ATP8A1: variants seen among roughly 807,000 people sequenced by gnomAD.
ATP8A1 encodes the protein ATPase phospholipid transporting 8A1, also known as phospholipid-transporting ATPase IA.
Under a neutral mutation model 177.7 loss-of-function variants are expected in ATP8A1, and 90 were observed. The ratio of observed to expected loss-of-function variants is 0.51; its 90% CI spans 0.43 to 0.60. ATP8A1 has a LOEUF of 0.60. Among genes scored for constraint, ATP8A1 ranks in the 20% least tolerant of loss-of-function variants. The probability of loss-of-function intolerance (pLI) is 0.00; values close to 1 mark genes in which losing one functional copy is unlikely to be tolerated. For missense variants in ATP8A1, 1,072 were observed against 1,392.8 expected, an observed-to-expected ratio of 0.77 and a Z score of 3.67; for synonymous variants, 493 against 485.9, an observed-to-expected ratio of 1.01 and a Z score of -0.19.
In ATP8A1 at chr4:42,651,419, G is replaced by A. The variant is rs186131209; in HGVS notation, c.49+5406C>T. On this transcript the variant is annotated intron_variant, in intron 1 of 36. Transcript: ENST00000381668. ...AAAGTATGGAACTCCCTAGAGACTT[G>A]TTGAATGGCTTTGACCCAAAATGCT... Among the ~76,000 whole-genome samples, 282 of 152,322 alleles carry A rather than the reference G, an allele frequency of 1.9e-3. 1 individual carries two copies. Among genetic ancestry groups the A allele is most frequent in the Admixed American group, 3.1e-3 (48 of 15,304 alleles).
At chr4:42,459,579 G>T (rs575122239) in intron 27 of ATP8A1, 94 of 275,048 alleles carry the variant, frequency 3.4e-4, no homozygotes, top group African/African-American at 2.0e-3. Flanking sequence ...TATATAGAAG[G>T]GATTGAGAAT....
At chr4:42,431,317 AC>A (rs1282545158) in intron 33 of ATP8A1, among the ~76,000 whole-genome samples, 3 of 152,242 alleles carry the variant, frequency 2.0e-5, no homozygotes, top group African/African-American at 7.2e-5. Context: ...AGACTAGATT[AC>A]AATCAAGAGG....
chr4:42,523,565 G>A, intron 21 of ATP8A1, among the ~76,000 whole-genome samples: 1 of 152,150 alleles, frequency 6.6e-6, no homozygotes, highest in East Asian at 1.9e-4. Context: ...AACTTGGCTG[G>A]AAAACTTACT....
At chr4:42,577,127 T>C (rs1191412913) in intron 12 of ATP8A1, among the ~76,000 whole-genome samples, 1 of 152,206 alleles carries the variant, frequency 6.6e-6, no homozygotes, top group East Asian at 1.9e-4. Context: ...GCTGGGTTCA[T>C]CCAATACTAA....
At chr4:42,526,993 G>A (rs1419871311) in intron 20 of ATP8A1, among the ~76,000 whole-genome samples, 1 of 152,176 alleles carries the variant, frequency 6.6e-6, no homozygotes. Flanking sequence ...CAGACAATGA[G>A]TTTAGTGACT....
At chr4:42,621,989 C>A (rs1459281330) in intron 4 of ATP8A1, among the ~76,000 whole-genome samples, 1 of 152,086 alleles carries the variant, frequency 6.6e-6, no homozygotes, top group Non-Finnish European at 1.5e-5. Flanking sequence ...GAAAGGAGTC[C>A]CTATTCGATA....
At chr4:42,578,415 T>C (rs1448670861) in intron 11 of ATP8A1, 28 bp from the exon 12 acceptor site, 1 of 1,603,510 alleles carries the variant, frequency 6.2e-7, no homozygotes, top group Non-Finnish European at 8.5e-7. Context: ...AAGAACGTCA[T>C]TTACAGTTTT....
At chr4:42,574,447 C>T (rs1732208753) in intron 14 of ATP8A1, among the ~76,000 whole-genome samples, 172 bp downstream of exon 14, 1 of 152,084 alleles carries the variant, frequency 6.6e-6, no homozygotes, top group Admixed American at 6.6e-5. Context: ...GAAAACAATG[C>T]TAAACTAGAA....
intron 15 of ATP8A1, among the ~76,000 whole-genome samples, chr4:42,566,979 CTT>C (rs1430808023): frequency 6.6e-6 from 1 of 152,232 alleles, no homozygotes; most frequent in Non-Finnish European, 1.5e-5. Context: ...CTCATCTAAT[CTT>C]CAAAACCTCC....
chr4:42,608,904 A>C (rs201136431), intron 5 of ATP8A1, among the ~76,000 whole-genome samples: 1 of 152,166 alleles, frequency 6.6e-6, no homozygotes, highest in East Asian at 1.9e-4. Flanking sequence ...ATAGACTCTT[A>C]CTTCCAAAGA....
At chr4:42,515,126 A>C (rs1049037119) in intron 22 of ATP8A1, among the ~76,000 whole-genome samples, 9 of 152,344 alleles carry the variant, frequency 5.9e-5, no homozygotes, top group Non-Finnish European at 1.3e-4. Flanking sequence ...TAATCAGGGT[A>C]AAGAGTGAAA....
chr4:42,497,458 T>C (rs762091300), intron 24 of ATP8A1, among the ~76,000 whole-genome samples: 5 of 152,178 alleles, frequency 3.3e-5, no homozygotes, highest in Non-Finnish European at 7.3e-5. Context: ...GCAGACTAGT[T>C]AGAAAGCATT....
rs1553871738 is a variant in ATP8A1, at chr4:42,435,461, A to AAAAAAAAAAAAAAAC, written c.3123+8103_3123+8104insGTTTTTTTTTTTTTT. Among the ~76,000 whole-genome samples, 41 of 122,364 alleles carry AAAAAAAAAAAAAAAC rather than the reference A, an allele frequency of 3.4e-4. 2 individuals carry two copies. The highest frequency in any genetic ancestry group is 1.0e-3 in the East Asian group (4 of 3,922). 80.3% of individuals were successfully genotyped at this position (122,364 alleles called of 152,430 possible). A position where few individuals can be genotyped will look rare whatever the true frequency, so the allele number is the denominator to read the frequency against. On this transcript the variant is annotated intron_variant, in intron 33 of 36. Coordinates refer to ENST00000381668, the MANE Select transcript of ATP8A1 (RefSeq NM_006095.2). Reference sequence around the variant, plus strand: ...AAAAAAAAAAAAAACAAAAAAAAAAAAACAAACTATCTCCAGTTATGAGCT... The same window carrying AAAAAAAAAAAAAAAC: ...AAAAAAAAAAAAAACAAAAAAAAAAAAAAAAAAAAAAAAACAACAAACTATCTCCAGTTATGAGCT...
intron 24 of ATP8A1, among the ~76,000 whole-genome samples, chr4:42,495,641 T>C (rs1723203308): frequency 6.6e-6 from 1 of 151,754 alleles, no homozygotes; most frequent in Non-Finnish European, 1.5e-5. Flanking sequence ...TAGTTTTTGA[T>C]CAAAAAGCTT....
intron 19 of ATP8A1, among the ~76,000 whole-genome samples, chr4:42,546,542 T>C (rs1728945944): frequency 1.3e-5 from 2 of 150,876 alleles, no homozygotes; most frequent in African/African-American, 4.9e-5. Flanking sequence ...GTAACAAACC[T>C]GCACGTTGTG....
chr4:42,522,426 C>T, intron 21 of ATP8A1, 127 bp from the exon 22 acceptor site: 1 of 1,087,568 alleles, frequency 9.2e-7, no homozygotes, highest in Non-Finnish European at 1.3e-6. Context: ...ATGATGAAGT[C>T]CAATTAAATT....
chr4:42,626,697 T>C (rs1293572319), intron 2 of ATP8A1: 3 of 333,814 alleles, frequency 9.0e-6, no homozygotes, highest in African/African-American at 2.1e-5. Context: ...CAGTAACGCA[T>C]CGCTCTATTA....
intron 4 of ATP8A1, among the ~76,000 whole-genome samples, chr4:42,617,278 CAT>C (rs945565223): frequency 7.2e-5 from 11 of 152,180 alleles, no homozygotes; most frequent in African/African-American, 2.4e-4. Flanking sequence ...GCAAACAAAA[CAT>C]TCAAAATGCC....
intron 35 of ATP8A1, among the ~76,000 whole-genome samples, chr4:42,420,821 T>C (rs1019745712): frequency 6.7e-6 from 1 of 149,038 alleles, no homozygotes; most frequent in African/African-American, 2.5e-5. Context: ...CAGGCTGGAG[T>C]GCAGTGGCAT....
Sources: gnomAD v4.1 joint callset for allele counts (sites outside exome capture counted in the v4.1 genomes callset) on GRCh38, gnomAD v4.1.1 for gene constraint, MANE v1.5 for transcripts, NCBI Gene and HGNC (gene_info 2026-07-23, HGNC 2026-07-21) for gene names.